The following OPCML variants were observed in gnomAD, a reference collection of about 807,000 sequenced individuals.
The protein encoded by OPCML is opioid binding protein/cell adhesion molecule like.
A neutral mutation model predicts 37.8 loss-of-function variants in OPCML; 13 were observed. That is an observed-to-expected ratio of 0.34 (90% CI 0.22 to 0.55). The LOEUF (loss-of-function observed/expected upper bound fraction) is 0.55. Ranked by LOEUF, OPCML falls within the 20% of genes least tolerant of loss-of-function variation. OPCML has a pLI of 0.91. For missense variants in OPCML, 341 were observed against 435.6 expected, an observed-to-expected ratio of 0.78 and a Z score of 1.93; for synonymous variants, 176 against 168.8, an observed-to-expected ratio of 1.04 and a Z score of -0.33.
intron 1 of OPCML, among the ~76,000 whole-genome samples, chr11:133,178,438 A>AAT (rs542145571): frequency 0.013 from 2,036 of 151,016 alleles, 146 homozygotes; most frequent in Admixed American, 0.11. Flanking sequence ...TTCAAATATG[A>AAT]ATATATATAT....
At chr11:133,061,869 A>G (rs982962052) in intron 1 of OPCML, among the ~76,000 whole-genome samples, 1 of 151,036 alleles carries the variant, frequency 6.6e-6, no homozygotes, top group East Asian at 2.0e-4. Flanking sequence ...ACTTAAGTGC[A>G]TGCATAAATG....
At chr11:133,028,113 C>T (rs1397347182) in intron 1 of OPCML, among the ~76,000 whole-genome samples, 1 of 152,014 alleles carries the variant, frequency 6.6e-6, no homozygotes, top group Non-Finnish European at 1.5e-5. Flanking sequence ...TTTTCTCAAC[C>T]AGTAACCTTT....
At chr11:132,441,312 C>T (rs193246510) in intron 4 of OPCML, among the ~76,000 whole-genome samples, 3,774 of 148,764 alleles carry the variant, frequency 0.025, 186 homozygotes, top group African/African-American at 0.088. Flanking sequence ...GGACTGCAGG[C>T]GCCCGCCACT....
chr11:133,245,765 C>A (rs1483995236), intron 1 of OPCML, among the ~76,000 whole-genome samples: 1 of 152,182 alleles, frequency 6.6e-6, no homozygotes, highest in Non-Finnish European at 1.5e-5. Flanking sequence ...GGCACATATA[C>A]ACCATGGAAT....
At chr11:132,602,746 G>A (rs1938007578) in intron 3 of OPCML, among the ~76,000 whole-genome samples, 1 of 152,194 alleles carries the variant, frequency 6.6e-6, no homozygotes, top group African/African-American at 2.4e-5. Context: ...ACCTAAATTA[G>A]ATCCCAGTCC....
chr11:132,480,341 T>C (rs1433708515), intron 4 of OPCML, among the ~76,000 whole-genome samples: 2 of 152,032 alleles, frequency 1.3e-5, no homozygotes, highest in East Asian at 3.9e-4. Flanking sequence ...AAGAAACGAG[T>C]AAAGCCTTGA....
At chr11:132,803,021 G>A (rs1938766123) in intron 2 of OPCML, among the ~76,000 whole-genome samples, 1 of 152,080 alleles carries the variant, frequency 6.6e-6, no homozygotes, top group African/African-American at 2.4e-5. Context: ...TCTTTAACAA[G>A]CTCCCACTCT....
At chr11:132,512,311 T>C (rs77353371) in intron 4 of OPCML, among the ~76,000 whole-genome samples, 31,732 of 151,966 alleles carry the variant, frequency 0.21, 3,421 homozygotes, top group Non-Finnish European at 0.23. Context: ...TTTGTAACGT[T>C]AAGTATAAAC....
At chr11:132,775,354 A>T (rs1485976728) in intron 2 of OPCML, among the ~76,000 whole-genome samples, 1 of 152,222 alleles carries the variant, frequency 6.6e-6, no homozygotes, top group Admixed American at 6.5e-5. Context: ...CACTCCCAGA[A>T]TTGATTTGAT....
At chr11:132,774,374 C>G (rs988544873) in intron 2 of OPCML, among the ~76,000 whole-genome samples, 1 of 152,106 alleles carries the variant, frequency 6.6e-6, no homozygotes, top group Non-Finnish European at 1.5e-5. Context: ...CCCCAGATAC[C>G]CTACATCAAC....
chr11:133,391,163 A>C (rs1450428775), intron 1 of OPCML, among the ~76,000 whole-genome samples: 5 of 152,220 alleles, frequency 3.3e-5, no homozygotes, highest in African/African-American at 1.2e-4. Flanking sequence ...TTTAATGCGA[A>C]GACACGGCAT....
intron 3 of OPCML, among the ~76,000 whole-genome samples, chr11:132,556,792 C>T (rs1211226283): frequency 6.6e-6 from 1 of 152,180 alleles, no homozygotes; most frequent in African/African-American, 2.4e-5. Flanking sequence ...TCCAAACCTA[C>T]TCCTGATATT....
At chr11:132,535,210 T>TA (rs2096337316) in intron 3 of OPCML, among the ~76,000 whole-genome samples, 1 of 151,974 alleles carries the variant, frequency 6.6e-6, no homozygotes. Flanking sequence ...GCTACCAGAG[T>TA]AAAAAGTGCA....
At chr11:132,972,783 G>A (rs892338958) in intron 1 of OPCML, among the ~76,000 whole-genome samples, 1 of 152,210 alleles carries the variant, frequency 6.6e-6, no homozygotes, top group African/African-American at 2.4e-5. Context: ...TTCTCAGTGA[G>A]TTCTGTGATC....
chr11:133,492,112 A>C (rs1042942774), intron 1 of OPCML, among the ~76,000 whole-genome samples: 1 of 152,094 alleles, frequency 6.6e-6, no homozygotes, highest in African/African-American at 2.4e-5. Context: ...CAGCAGGCAA[A>C]CCTCGCCAGT....
At chr11:132,872,780 G>T (rs1418374852) in intron 2 of OPCML, among the ~76,000 whole-genome samples, 1 of 151,926 alleles carries the variant, frequency 6.6e-6, no homozygotes, top group African/African-American at 2.4e-5. Context: ...TATGAAGAGG[G>T]CTCCCCATTC....
At chr11:132,497,209 G>A (rs995674331) in intron 4 of OPCML, among the ~76,000 whole-genome samples, 1 of 152,062 alleles carries the variant, frequency 6.6e-6, no homozygotes, top group Admixed American at 6.6e-5. Flanking sequence ...ATAGACACAT[G>A]GCAAGGAACA....
chr11:133,090,205 C>T (rs561568373), intron 1 of OPCML, among the ~76,000 whole-genome samples: 2 of 152,232 alleles, frequency 1.3e-5, no homozygotes, highest in South Asian at 4.1e-4. Context: ...TCTCCATCCA[C>T]TCCCTTACCT....
chr11:133,033,213 TC>T (rs1401805343), intron 1 of OPCML, among the ~76,000 whole-genome samples: 1 of 152,228 alleles, frequency 6.6e-6, no homozygotes, highest in Non-Finnish European at 1.5e-5. Flanking sequence ...GAGATTAGAT[TC>T]ACACAAGGCA....
Sources: gnomAD v4.1 joint callset for allele counts (sites outside exome capture counted in the v4.1 genomes callset) on GRCh38, gnomAD v4.1.1 for gene constraint, MANE v1.5 for transcripts, NCBI Gene and HGNC (gene_info 2026-07-23, HGNC 2026-07-21) for gene names.